The following FRMD6 variants were observed in gnomAD, a reference collection of about 807,000 sequenced individuals.
The protein encoded by FRMD6 is FERM domain containing 6, also known as FERM domain-containing protein 6.
FRMD6 carries 37 observed loss-of-function variants against 73.2 expected under a neutral mutation model. The observed-to-expected ratio is 0.51, with a 90% CI of 0.39 to 0.66. The LOEUF (loss-of-function observed/expected upper bound fraction) is 0.66. Among genes scored for constraint, FRMD6 ranks in the 30% least tolerant of loss-of-function variants. The pLI is 0.00. For synonymous variants in FRMD6, 273 were observed against 282.2 expected, an observed-to-expected ratio of 0.97 and a Z score of 0.33; for missense variants, 714 against 780.5, an observed-to-expected ratio of 0.91 and a Z score of 1.02.
chr14:51,516,880 C>G (rs977652781), intron 1 of FRMD6, among the ~76,000 whole-genome samples: 4 of 152,178 alleles, frequency 2.6e-5, no homozygotes, highest in African/African-American at 9.6e-5. Context: ...ATCTTCCCTG[C>G]TGGAAACAGT....
chr14:51,432,195 G>C, the FRMD6 span, among the ~76,000 whole-genome samples: 1 of 152,144 alleles, frequency 6.6e-6, no homozygotes, highest in Non-Finnish European at 1.5e-5. Flanking sequence ...TGAAAAGATA[G>C]AGAGTAGCGG....
intron 1 of FRMD6, among the ~76,000 whole-genome samples, chr14:51,656,470 A>G (rs1450646332): frequency 1.3e-5 from 2 of 151,216 alleles, no homozygotes; most frequent in African/African-American, 4.9e-5. Flanking sequence ...CTGGAGTGCA[A>G]TGGCCTGATC....
At chr14:51,726,676 C>T (rs1483291951) in intron 13 of FRMD6, among the ~76,000 whole-genome samples, 2 of 152,178 alleles carry the variant, frequency 1.3e-5, no homozygotes, top group Non-Finnish European at 2.9e-5. Context: ...TGGGGCACAG[C>T]TGATAGTCAG....
chr14:51,628,831 A>G (rs548544261), intron 2 of FRMD6, among the ~76,000 whole-genome samples: 1 of 145,338 alleles, frequency 6.9e-6, no homozygotes, highest in African/African-American at 2.5e-5. Flanking sequence ...AAAAGGCAAC[A>G]TACACATACA....
chr14:51,636,170 C>G (rs922256505), intron 2 of FRMD6, among the ~76,000 whole-genome samples: 1 of 152,286 alleles, frequency 6.6e-6, no homozygotes, highest in East Asian at 1.9e-4. Flanking sequence ...CATTACTCCC[C>G]GGAGCCAGGG....
At chr14:51,455,731 G>A in the FRMD6 span, among the ~76,000 whole-genome samples, 5 of 152,134 alleles carry the variant, frequency 3.3e-5, no homozygotes, top group Non-Finnish European at 7.4e-5. Flanking sequence ...GAAATTTGGA[G>A]GCAAAGCAAA....
chr14:51,535,561 TC>T (rs1211755010), intron 1 of FRMD6, among the ~76,000 whole-genome samples: 3 of 152,240 alleles, frequency 2.0e-5, no homozygotes, highest in African/African-American at 7.2e-5. Flanking sequence ...AGCACTGTGT[TC>T]CTTTTTATGG....
chr14:51,665,906 C>T lies in FRMD6; in HGVS notation c.-147+13910C>T, dbSNP rs181961520. 3.0e-3 allele frequency among the ~76,000 whole-genome samples: 461 copies of T among 152,302 alleles called. 17 individuals carry two copies. Among genetic ancestry groups the T allele is most frequent in the Admixed American group, 0.029 (441 of 15,304 alleles). ...TATGAGTTGTGCCTTTCACCTTCTGCCATGATTGTGAGGCCTCCCCAGCCA... is the reference window on the plus strand; with the variant it reads ...TATGAGTTGTGCCTTTCACCTTCTGTCATGATTGTGAGGCCTCCCCAGCCA... On this transcript the variant is annotated intron_variant, in intron 1 of 13. Coordinates refer to ENST00000344768, the MANE Select transcript of FRMD6 (RefSeq NM_001267046.2).
chr14:51,706,488 G>C (rs918817200), intron 6 of FRMD6, among the ~76,000 whole-genome samples: 1 of 152,052 alleles, frequency 6.6e-6, no homozygotes, highest in South Asian at 2.1e-4. Flanking sequence ...AGCCATTCCA[G>C]CTTCCTTTCT....
intron 1 of FRMD6, among the ~76,000 whole-genome samples, chr14:51,496,810 C>G (rs867052159): frequency 7.2e-5 from 11 of 152,210 alleles, no homozygotes; most frequent in African/African-American, 2.7e-4. Context: ...CTCCAAGACA[C>G]TTAAAGTCTC....
chr14:51,532,402 T>G (rs1885645198), intron 1 of FRMD6, among the ~76,000 whole-genome samples: 2 of 151,298 alleles, frequency 1.3e-5, no homozygotes, highest in African/African-American at 4.9e-5. Flanking sequence ...TTATTAAATA[T>G]GCATTTTTCA....
chr14:51,436,895 G>A, the FRMD6 span: 2 of 954,088 alleles, frequency 2.1e-6, no homozygotes, highest in Non-Finnish European at 3.1e-6. Flanking sequence ...AGGGGATGAG[G>A]ATGAAGGTGA....
intron 10 of FRMD6, among the ~76,000 whole-genome samples, chr14:51,719,169 A>G (rs1897399730): frequency 6.6e-6 from 1 of 152,192 alleles, no homozygotes; most frequent in Non-Finnish European, 1.5e-5. Context: ...TTTTTGTGTC[A>G]GTTGAGTTGT....
intron 1 of FRMD6, among the ~76,000 whole-genome samples, chr14:51,510,885 C>T (rs1461421825): frequency 1.3e-5 from 2 of 152,172 alleles, no homozygotes; most frequent in South Asian, 2.1e-4. Context: ...TTTCTGTTAT[C>T]TTCAACCTTT....
chr14:51,549,348 TAATATCAC>T (rs1342413251), intron 1 of FRMD6, among the ~76,000 whole-genome samples: 2 of 152,170 alleles, frequency 1.3e-5, no homozygotes, highest in Non-Finnish European at 2.9e-5. Flanking sequence ...TAGGCTAGCT[TAATATCAC>T]AATCACAGTA....
intron 10 of FRMD6, 71 bp downstream of exon 10, chr14:51,715,570 G>C: frequency 7.7e-7 from 1 of 1,297,260 alleles, no homozygotes; most frequent in Non-Finnish European, 1.0e-6. Flanking sequence ...CTGAATGGGG[G>C]TTTTGAGCTC....
chr14:51,620,743 C>T (rs908432607), intron 2 of FRMD6, among the ~76,000 whole-genome samples: 1 of 152,200 alleles, frequency 6.6e-6, no homozygotes, highest in African/African-American at 2.4e-5. Flanking sequence ...CATGACAATG[C>T]ACAGACCCAA....
At chr14:51,672,094 C>A (rs1246895777) in intron 1 of FRMD6, among the ~76,000 whole-genome samples, 1 of 152,124 alleles carries the variant, frequency 6.6e-6, no homozygotes, top group Admixed American at 6.5e-5. Context: ...CATGGCTTTA[C>A]CAGTATGATC....
chr14:51,696,745 T>A, intron 2 of FRMD6, among the ~76,000 whole-genome samples: 2 of 106,386 alleles, frequency 1.9e-5, no homozygotes, highest in African/African-American at 3.2e-5. Flanking sequence ...AGAGACCCTG[T>A]CTCTACAAAA....
Sources: gnomAD v4.1 joint callset for allele counts (sites outside exome capture counted in the v4.1 genomes callset) on GRCh38, gnomAD v4.1.1 for gene constraint, MANE v1.5 for transcripts, NCBI Gene and HGNC (gene_info 2026-07-23, HGNC 2026-07-21) for gene names.